HIGD1B: variants seen among roughly 807,000 people sequenced by gnomAD.
The protein encoded by HIGD1B is HIG1 domain family member 1B.
In HIGD1B, 9 loss-of-function variants were observed where a neutral mutation model predicts 8.8. That is an observed-to-expected ratio of 1.02 (90% CI 0.62 to 1.78). The LOEUF (loss-of-function observed/expected upper bound fraction) is 1.78. Ranked by LOEUF, HIGD1B falls within the 40% of genes most tolerant of loss-of-function variation. The pLI is 0.00. For synonymous variants in HIGD1B, 47 were observed against 38.8 expected (o/e 1.21, Z -0.78); for missense variants, 126 against 111.8 (o/e 1.13, Z -0.57).
intron 2 of HIGD1B, 27 bp downstream of exon 2, chr17:44,849,415 T>G: frequency 6.2e-7 from 1 of 1,613,404 alleles, no homozygotes. Context: ...GGTCGCAGAA[T>G]GAGGGCAAAA....
chr17:44,845,961 C>T (rs1471734009), upstream of HIGD1B, among the ~76,000 whole-genome samples: 4 of 151,886 alleles, frequency 2.6e-5, no homozygotes, highest in Non-Finnish European at 5.9e-5. Flanking sequence ...AACCAAAAGA[C>T]AGCCTAGAGA....
chr17:44,849,134 C>A (rs1034315245), intron 1 of HIGD1B, 120 bp from the exon 2 acceptor site: 2 of 1,236,170 alleles, frequency 1.6e-6, no homozygotes, highest in Non-Finnish European at 2.3e-6. Context: ...CCCCCGCCAC[C>A]AGATGCTGCA....
At chr17:44,845,760 C>A (rs181290703), upstream of HIGD1B, among the ~76,000 whole-genome samples, 1 of 151,936 alleles carries the variant, frequency 6.6e-6, no homozygotes, top group Non-Finnish European at 1.5e-5. Context: ...GGTGAAACCC[C>A]GCCTCTACTA....
chr17:44,849,205 G>C, intron 1 of HIGD1B, 49 bp from the exon 2 acceptor site: 1 of 1,607,140 alleles, frequency 6.2e-7, no homozygotes, highest in Non-Finnish European at 8.5e-7. Context: ...CATCAGGGGA[G>C]TGCTGTGCAT....
At chr17:44,848,833 T>C (rs925773237) in intron 1 of HIGD1B, among the ~76,000 whole-genome samples, 6 of 152,056 alleles carry the variant, frequency 3.9e-5, no homozygotes, top group Admixed American at 6.6e-5. Context: ...TGGAGTGCAA[T>C]GGCACAGTCT....
At chr17:44,849,468 A>C (rs1423746098) in intron 2 of HIGD1B, 80 bp downstream of exon 2, 2 of 1,556,312 alleles carry the variant, frequency 1.3e-6, no homozygotes, top group Admixed American at 3.5e-5. Flanking sequence ...AACAATTAAA[A>C]GGACTGTGCT....
chr17:44,849,257 T>C lies in HIGD1B; in HGVS notation c.104T>C (p.Leu35Ser), dbSNP rs1455447856. 6.2e-7 allele frequency: 1 copy of C among 1,613,832 alleles called. No individual in the cohort carries two copies. The highest frequency in any genetic ancestry group is 8.5e-7 in the Non-Finnish European group (1 of 1,179,952). ...GGGCTGTGTTCTCTGCCCACAGGCT[T>C]AGGAGGCTGCTTGGTGGTAGCAGCA... Reference protein sequence around the residue: ...TRESPLVPIGLGGCLVVAAYR... With the variant: ...TRESPLVPIGSGGCLVVAAYR... Residue 35 changes from leucine to serine, a missense_variant, in exon 2 of 3, where the codon TTA becomes TCA. Coordinates refer to ENST00000253410, the MANE Select transcript of HIGD1B (RefSeq NM_016438.4).
upstream of HIGD1B, among the ~76,000 whole-genome samples, chr17:44,845,023 C>T (rs1389680015): frequency 6.6e-6 from 1 of 151,740 alleles, no homozygotes; most frequent in Non-Finnish European, 1.5e-5. Context: ...TTTGGGAGGC[C>T]GAGGTGGGCG....
At position 44,849,314 on chromosome 17, in the gene HIGD1B, C is replaced by A; in HGVS notation, c.161C>A (p.Ser54Tyr). The change falls in exon 2 of 3, where the codon TCC becomes TAC. Residue 54 changes from serine (S) to tyrosine (Y), a missense_variant. Coordinates refer to ENST00000253410, the MANE Select transcript of HIGD1B (RefSeq NM_016438.4). ...ATTTACCGGCTGAGGTCTCGTGGTT[C>A]CACCAAGATGTCCATACACCTGATT... ...YRIYRLRSRG[S>Y]TKMSIHLIHT... The A allele has an allele frequency of 6.2e-7, 1 of 1,614,124 alleles. No homozygotes were observed. The highest frequency in any genetic ancestry group is 8.5e-7 in the Non-Finnish European group (1 of 1,180,012).
intron 2 of HIGD1B, chr17:44,849,852 A>ACT: frequency 5.8e-6 from 1 of 172,270 alleles, no homozygotes; most frequent in Non-Finnish European, 1.2e-5. Context: ...ATACTGAGCC[A>ACT]TCTTCCCTGT....
upstream of HIGD1B, among the ~76,000 whole-genome samples, chr17:44,846,004 C>T (rs935281767): frequency 1.3e-5 from 2 of 152,052 alleles, no homozygotes; most frequent in African/African-American, 4.8e-5. Flanking sequence ...ATTTTATTTA[C>T]ATCCCACATT....
At position 44,850,454 on chromosome 17, in the gene HIGD1B, T is replaced by C; in HGVS notation, c.*58T>C. ...CCTAACTCAATCCCTGGTACATTCC[T>C]AATAAAGCAGTTTTGAGGAAAATCA... On this transcript the variant is annotated 3_prime_UTR_variant, in exon 3 of 3. Coordinates refer to ENST00000253410, the MANE Select transcript of HIGD1B (RefSeq NM_016438.4). 1 of 1,312,080 alleles carries C rather than the reference T, an allele frequency of 7.6e-7. No individual in the cohort carries two copies. The highest frequency in any genetic ancestry group is 1.1e-6 in the Non-Finnish European group (1 of 915,984). 81.3% of individuals were successfully genotyped at this position (1,312,080 alleles called of 1,614,324 possible).
At chr17:44,848,771 C>A (rs1339702839) in intron 1 of HIGD1B, among the ~76,000 whole-genome samples, 2 of 151,880 alleles carry the variant, frequency 1.3e-5, no homozygotes, top group Non-Finnish European at 2.9e-5. Flanking sequence ...AGGGCAACAA[C>A]TCAATATATA....
intron 1 of HIGD1B, among the ~76,000 whole-genome samples, chr17:44,848,557 G>A (rs1054238006): frequency 2.6e-5 from 4 of 152,152 alleles, no homozygotes; most frequent in Non-Finnish European, 5.9e-5. Context: ...GGCCCTGGTA[G>A]AGTAGGAAAA....
chr17:44,848,178 T>A lies in HIGD1B; in HGVS notation c.26T>A (p.Val9Glu), dbSNP rs748918215. The change falls in exon 1 of 3, where the codon GTA becomes GAA. Residue 9 changes from valine to glutamate, a missense_variant. Val to Glu is a moderately radical substitution (Grantham distance 121). Transcript: ENST00000253410. ...ATGTCTGCTAACAGACGCTGGTGGG[T>A]ACCACCTGACGACGAAGACTGTGTG... is the stretch of plus-strand genomic sequence containing the variant. MSANRRWW[V>E]PPDDEDCVSE... 1.0e-5 allele frequency: 9 copies of A among 872,844 alleles called. No homozygotes were observed. The highest frequency in any genetic ancestry group is 4.0e-6 in the Non-Finnish European group (2 of 501,656). The allele number at this position is 872,844 out of a possible 1,614,324, so 54.1% of individuals were successfully genotyped here.
chr17:44,849,233 G>T, intron 1 of HIGD1B, 21 bp from the exon 2 acceptor site: 1 of 1,613,520 alleles, frequency 6.2e-7, no homozygotes, highest in East Asian at 2.2e-5. Context: ...GTGGCCCAGG[G>T]GCTGTGTTCT....
chr17:44,847,003 A>G (rs1057149818), upstream of HIGD1B, among the ~76,000 whole-genome samples: 3 of 151,684 alleles, frequency 2.0e-5, no homozygotes, highest in Admixed American at 6.6e-5. Flanking sequence ...TGGGCATGGT[A>G]CACACCTGTA....
intron 1 of HIGD1B, among the ~76,000 whole-genome samples, 171 bp downstream of exon 1, chr17:44,848,423 A>C (rs1219819562): frequency 6.6e-6 from 1 of 152,190 alleles, no homozygotes; most frequent in Non-Finnish European, 1.5e-5. Context: ...TGAAATCAGG[A>C]CGTCTGGATG....
upstream of HIGD1B, chr17:44,846,454 G>A (rs1281843213): frequency 6.6e-6 from 1 of 152,368 alleles, no homozygotes; most frequent in Non-Finnish European, 1.5e-5. Context: ...AACGACCTGG[G>A]GGGCCACCAG....
Sources: allele counts gnomAD v4.1 joint callset (sites outside exome capture counted in the v4.1 genomes callset), GRCh38; gene constraint gnomAD v4.1.1; transcripts MANE v1.5; gene names NCBI Gene and HGNC (gene_info 2026-07-23, HGNC 2026-07-21).